The following GRB10 variants were observed in gnomAD, a reference collection of about 807,000 sequenced individuals.
The protein encoded by GRB10 is growth factor receptor-bound protein 10.
GRB10 carries 20 observed loss-of-function variants against 80.9 expected under a neutral mutation model. The observed-to-expected ratio is 0.25, with a 90% CI of 0.17 to 0.36. The LOEUF (loss-of-function observed/expected upper bound fraction) is 0.36. Ranked by LOEUF, GRB10 falls within the 10% of genes least tolerant of loss-of-function variation. The pLI is 1.00. For missense variants in GRB10, 548 were observed against 747.7 expected (o/e 0.73, Z 3.12); for synonymous variants, 291 against 291.5 (o/e 1.00, Z 0.02).
In GRB10 at chr7:50,789,559, G is replaced by T. The variant is rs183217254; in HGVS notation, c.-294+3665C>A. Among the ~76,000 whole-genome samples, 10 of 150,068 alleles carry T rather than the reference G, an allele frequency of 6.7e-5. No homozygotes were observed. In the East Asian group the frequency reaches 1.9e-3, roughly 29 times the overall value. On this transcript the variant is annotated intron_variant, in intron 1 of 16. Coordinates refer to the GRB10 transcript ENST00000335866. Reference sequence around the variant, plus strand: ...TGGTCAAATAGAGCAGAAAAGAAACGATATGGTGGGAGGGGTTATTCCTCC... The same window carrying T: ...TGGTCAAATAGAGCAGAAAAGAAACTATATGGTGGGAGGGGTTATTCCTCC...
chr7:50,700,126 G>A lies in GRB10; in HGVS notation c.139+3695C>T, dbSNP rs77592613. On this transcript the variant is annotated intron_variant, in intron 5 of 18. Coordinates refer to ENST00000401949, the MANE Select transcript of GRB10 (RefSeq NM_001350814.2). ...TGCACTCCAGCCTGGATGACAGAGC[G>A]AGACTCCATCTCAAAAAAAAAAGAG... is the stretch of plus-strand genomic sequence containing the variant. Among the ~76,000 whole-genome samples, 186 of 151,922 alleles carry A rather than the reference G, an allele frequency of 1.2e-3. 1 individual carries two copies. The East Asian group carries it at 0.027, about 22-fold the overall frequency.
chr7:50,778,283 T>C (rs2077911574), intron 2 of GRB10, among the ~76,000 whole-genome samples: 1 of 152,318 alleles, frequency 6.6e-6, no homozygotes, highest in Non-Finnish European at 1.5e-5. Flanking sequence ...TATTTGGCAA[T>C]AAATTATTAG....
At chr7:50,633,676 T>C (rs1016244410) in intron 7 of GRB10, among the ~76,000 whole-genome samples, 1 of 147,222 alleles carries the variant, frequency 6.8e-6, no homozygotes, top group African/African-American at 2.5e-5. Context: ...ATTCTGGAGA[T>C]GAAAGATGAG....
chr7:50,784,828 C>T (rs2078625714), upstream of GRB10, among the ~76,000 whole-genome samples: 1 of 152,146 alleles, frequency 6.6e-6, no homozygotes, highest in South Asian at 2.1e-4. Context: ...TCAGTGGAAG[C>T]CCAGAAAGTC....
chr7:50,737,553 A>AT (rs1177252844), intron 3 of GRB10, among the ~76,000 whole-genome samples: 1 of 152,242 alleles, frequency 6.6e-6, no homozygotes, highest in Admixed American at 6.5e-5. Flanking sequence ...TTATAGCAAT[A>AT]TAACAACAGA....
intron 3 of GRB10, among the ~76,000 whole-genome samples, chr7:50,755,354 C>T (rs1330260676): frequency 6.6e-6 from 1 of 152,196 alleles, no homozygotes; most frequent in Non-Finnish European, 1.5e-5. Flanking sequence ...GGCAGGGGTG[C>T]TAACACTGCC....
At chr7:50,708,624 C>T (rs1364239983) in intron 4 of GRB10, among the ~76,000 whole-genome samples, 16 of 151,338 alleles carry the variant, frequency 1.1e-4, no homozygotes, top group Admixed American at 9.8e-4. Flanking sequence ...CCCAGCCTCG[C>T]CCATTGTGGG....
chr7:50,783,209 C>T (rs1040889260), upstream of GRB10, among the ~76,000 whole-genome samples: 1 of 152,254 alleles, frequency 6.6e-6, no homozygotes, highest in Admixed American at 6.5e-5. Flanking sequence ...GCCAGTTCTA[C>T]TCTTCCAGGA....
chr7:50,600,163 C>T (rs1351705501), intron 17 of GRB10, among the ~76,000 whole-genome samples: 1 of 152,166 alleles, frequency 6.6e-6, no homozygotes, highest in African/African-American at 2.4e-5. Context: ...ACTGTTGATA[C>T]GGTTCAGGGG....
At chr7:50,724,087 G>A (rs1341273841) in intron 4 of GRB10, among the ~76,000 whole-genome samples, 2 of 152,208 alleles carry the variant, frequency 1.3e-5, no homozygotes, top group African/African-American at 2.4e-5. Context: ...GGACTCGCAC[G>A]TTCCAGCAGC....
chr7:50,731,533 T>C (rs1160660761), intron 4 of GRB10, among the ~76,000 whole-genome samples: 3 of 152,124 alleles, frequency 2.0e-5, no homozygotes, highest in Non-Finnish European at 4.4e-5. Context: ...GTACTTCCAA[T>C]GACAAATCAC....
intron 7 of GRB10, among the ~76,000 whole-genome samples, chr7:50,659,080 T>C (rs1187240143): frequency 6.6e-6 from 1 of 152,262 alleles, no homozygotes; most frequent in Non-Finnish European, 1.5e-5. Flanking sequence ...AGTTTACAGG[T>C]GCTGTCTCTA....
At chr7:50,752,110 G>A (rs1240378853) in intron 3 of GRB10, among the ~76,000 whole-genome samples, 1 of 152,174 alleles carries the variant, frequency 6.6e-6, no homozygotes, top group African/African-American at 2.4e-5. Context: ...CAGAGTCAGG[G>A]TGTGCAGGTT....
chr7:50,711,771 A>G (rs1456659851), intron 4 of GRB10, among the ~76,000 whole-genome samples: 2 of 152,142 alleles, frequency 1.3e-5, no homozygotes, highest in African/African-American at 2.4e-5. Flanking sequence ...ATGTAATTAT[A>G]CTTTTATTAA....
At chr7:50,614,429 G>T (rs143252738) in intron 12 of GRB10, among the ~76,000 whole-genome samples, 1 of 152,262 alleles carries the variant, frequency 6.6e-6, no homozygotes, top group Non-Finnish European at 1.5e-5. Context: ...CCAGGTGACA[G>T]GCTGGGGGTC....
Position 50,590,694 on chromosome 7 carries a change from T to C in GRB10, c.*2258A>G, listed in dbSNP as rs1157890865. On this transcript the variant is annotated 3_prime_UTR_variant, in exon 19 of 19. Coordinates refer to ENST00000401949, the MANE Select transcript of GRB10 (RefSeq NM_001350814.2). ...TCCGTCCCCGGTTTGCGGGACTTGTTCTCAGGTGGAATTCCCAGCCGCCCA... is the reference window on the plus strand; with the variant it reads ...TCCGTCCCCGGTTTGCGGGACTTGTCCTCAGGTGGAATTCCCAGCCGCCCA... 6.6e-6 allele frequency: 1 copy of C among 152,634 alleles called. No homozygotes were observed. The highest frequency in any genetic ancestry group is 6.5e-5 in the Admixed American group (1 of 15,276). The allele number at this position is 152,634 out of a possible 1,614,324, so 9.5% of individuals were successfully genotyped here.
At chr7:50,653,818 T>C (rs899212511) in intron 7 of GRB10, among the ~76,000 whole-genome samples, 11 of 152,132 alleles carry the variant, frequency 7.2e-5, no homozygotes, top group African/African-American at 2.7e-4. Context: ...CCAAGTAAAG[T>C]TGGTAGATCA....
chr7:50,642,059 A>G (rs964236146), intron 7 of GRB10, among the ~76,000 whole-genome samples: 1 of 152,152 alleles, frequency 6.6e-6, no homozygotes, highest in African/African-American at 2.4e-5. Context: ...TCTCTAACCT[A>G]GCTTGCTGAG....
intron 2 of GRB10, among the ~76,000 whole-genome samples, chr7:50,773,043 T>A (rs2077135824): frequency 6.6e-6 from 1 of 152,140 alleles, no homozygotes; most frequent in South Asian, 2.1e-4. Flanking sequence ...TATTTCCACG[T>A]GGCTGAGGAG....
Sources: gnomAD v4.1 joint callset for allele counts (sites outside exome capture counted in the v4.1 genomes callset) on GRCh38, gnomAD v4.1.1 for gene constraint, MANE v1.5 for transcripts, NCBI Gene and HGNC (gene_info 2026-07-23, HGNC 2026-07-21) for gene names.